MBD5: variants seen among roughly 807,000 people sequenced by gnomAD.
The protein encoded by MBD5 is methyl-CpG-binding domain protein 5.
In MBD5, 13 loss-of-function variants were observed where a neutral mutation model predicts 117.3. The ratio of observed to expected loss-of-function variants is 0.11; its 90% CI spans 0.07 to 0.18. The LOEUF is 0.18. MBD5 is among the 10% of genes least tolerant of loss of function. The probability of loss-of-function intolerance (pLI) is 1.00; values close to 1 mark genes in which losing one functional copy is unlikely to be tolerated. For synonymous variants in MBD5, 727 were observed against 766.4 expected, an observed-to-expected ratio of 0.95 and a Z score of 0.85; for missense variants, 1,879 against 2,093.8, an observed-to-expected ratio of 0.90 and a Z score of 2.00.
At chr2:148,148,972 G>A (rs1697555178) in intron 1 of MBD5, among the ~76,000 whole-genome samples, 2 of 151,694 alleles carry the variant, frequency 1.3e-5, no homozygotes, top group South Asian at 4.2e-4. Context: ...AAGTTTTACG[G>A]TACATGTGCA....
At chr2:148,129,216 C>T (rs1275595611) in intron 1 of MBD5, among the ~76,000 whole-genome samples, 2 of 151,932 alleles carry the variant, frequency 1.3e-5, no homozygotes, top group African/African-American at 2.4e-5. Context: ...TGACCCAGAC[C>T]GGGTGCTGTG....
chr2:148,391,218 G>A (rs1704561470), intron 4 of MBD5, among the ~76,000 whole-genome samples: 1 of 151,940 alleles, frequency 6.6e-6, no homozygotes, highest in Admixed American at 6.6e-5. Context: ...TTCCATTAAG[G>A]GCTTACAAAA....
At chr2:148,086,364 A>G (rs1395082779) in intron 1 of MBD5, among the ~76,000 whole-genome samples, 1 of 152,012 alleles carries the variant, frequency 6.6e-6, no homozygotes, top group Non-Finnish European at 1.5e-5. Flanking sequence ...TCAACCTCCA[A>G]TTTGCATATC....
intron 2 of MBD5, among the ~76,000 whole-genome samples, chr2:148,197,089 G>T (rs1320218428): frequency 6.6e-6 from 1 of 151,954 alleles, no homozygotes; most frequent in Non-Finnish European, 1.5e-5. Context: ...CTGAAATTTG[G>T]CTTCTTTGAC....
intron 3 of MBD5, among the ~76,000 whole-genome samples, chr2:148,277,319 A>T (rs1010289063): frequency 6.6e-6 from 1 of 152,218 alleles, no homozygotes; most frequent in Non-Finnish European, 1.5e-5. Context: ...TTAGTGTAAC[A>T]CTAGGAAGCA....
chr2:148,446,606 G>A (rs1360425268), intron 4 of MBD5, among the ~76,000 whole-genome samples: 12 of 151,530 alleles, frequency 7.9e-5, no homozygotes, highest in Non-Finnish European at 1.2e-4. Context: ...ATTTATCTGT[G>A]TGTGTGTGTG....
intron 3 of MBD5, among the ~76,000 whole-genome samples, chr2:148,245,803 C>A (rs1218649042): frequency 6.6e-6 from 1 of 152,116 alleles, no homozygotes; most frequent in African/African-American, 2.4e-5. Flanking sequence ...TAGACTATCA[C>A]TTCTTATTTT....
intron 4 of MBD5, among the ~76,000 whole-genome samples, chr2:148,399,589 T>C (rs1311030439): frequency 2.0e-5 from 3 of 152,192 alleles, no homozygotes; most frequent in Non-Finnish European, 4.4e-5. Context: ...TACAATCATG[T>C]CATCTGCAAA....
At chr2:148,171,953 A>G (rs1698273407) in intron 1 of MBD5, among the ~76,000 whole-genome samples, 1 of 152,220 alleles carries the variant, frequency 6.6e-6, no homozygotes, top group Non-Finnish European at 1.5e-5. Flanking sequence ...TGGGAGGATC[A>G]CTTGACACCA....
At chr2:148,439,566 C>G (rs1239733176) in intron 4 of MBD5, among the ~76,000 whole-genome samples, 1 of 151,996 alleles carries the variant, frequency 6.6e-6, no homozygotes, top group Non-Finnish European at 1.5e-5. Flanking sequence ...ATTTTAATTG[C>G]AGAAATCTTA....
intron 4 of MBD5, among the ~76,000 whole-genome samples, chr2:148,401,212 A>AGCTT (rs1321938752): frequency 6.6e-6 from 1 of 152,176 alleles, no homozygotes; most frequent in Non-Finnish European, 1.5e-5. Context: ...GATGAAGCCA[A>AGCTT]GCTTGCTTTC....
rs549236423 is a variant in MBD5, at chr2:148,379,740, G to T, written c.-557+37404G>T. Among the ~76,000 whole-genome samples, 8 of 152,100 alleles carry T rather than the reference G, an allele frequency of 5.3e-5. No individual in the cohort carries two copies. The East Asian group carries it at 1.4e-3, about 26-fold the overall frequency. ...AATGTTAGACAAAAATTGCATGAAA[G>T]CCAGGGGAGGGGGTATAACAGGAAC... On this transcript the variant is annotated intron_variant, in intron 4 of 13. Transcript: ENST00000642680.
At chr2:148,199,920 A>AACT (rs1231343610) in intron 2 of MBD5, among the ~76,000 whole-genome samples, 1 of 152,186 alleles carries the variant, frequency 6.6e-6, no homozygotes, top group East Asian at 1.9e-4. Flanking sequence ...TTGATTTTTA[A>AACT]ACTACTACAT....
chr2:148,464,801 TTAAAA>T (rs1707206288), intron 7 of MBD5, among the ~76,000 whole-genome samples: 1 of 141,308 alleles, frequency 7.1e-6, no homozygotes, highest in East Asian at 2.0e-4. Flanking sequence ...CTAAAATAAT[TTAAAA>T]AAAAAAAAAA....
intron 1 of MBD5, among the ~76,000 whole-genome samples, chr2:148,090,119 C>T (rs1457150431): frequency 6.6e-6 from 1 of 151,766 alleles, no homozygotes; most frequent in African/African-American, 2.4e-5. Context: ...ATATACAAGC[C>T]TCCTAGATTA....
At chr2:148,496,919 ATC>A (rs1681719599) in intron 11 of MBD5, among the ~76,000 whole-genome samples, 1 of 152,240 alleles carries the variant, frequency 6.6e-6, no homozygotes, top group African/African-American at 2.4e-5. Flanking sequence ...AATTAGGTTC[ATC>A]CTGTCACAGG....
intron 4 of MBD5, among the ~76,000 whole-genome samples, chr2:148,396,032 C>T (rs1007480373): frequency 1.3e-5 from 2 of 152,176 alleles, no homozygotes; most frequent in African/African-American, 4.8e-5. Flanking sequence ...GTGTTCAACT[C>T]ATTCTTCTTT....
chr2:148,131,504 G>A (rs1211900491), intron 1 of MBD5, among the ~76,000 whole-genome samples: 1 of 152,026 alleles, frequency 6.6e-6, no homozygotes, highest in Non-Finnish European at 1.5e-5. Context: ...GTCCAGCCTG[G>A]GCAACATAAC....
intron 4 of MBD5, among the ~76,000 whole-genome samples, chr2:148,364,556 A>G (rs532426033): frequency 9.9e-5 from 15 of 152,152 alleles, no homozygotes; most frequent in African/African-American, 2.4e-5. Context: ...CAAATCGGAC[A>G]AAGTGTCAAG....
Sources: gnomAD v4.1 joint callset for allele counts (sites outside exome capture counted in the v4.1 genomes callset) on GRCh38, gnomAD v4.1.1 for gene constraint, MANE v1.5 for transcripts, NCBI Gene and HGNC (gene_info 2026-07-23, HGNC 2026-07-21) for gene names.